TP63: variants seen among roughly 807,000 people sequenced by gnomAD.
TP63 encodes tumor protein 63.
In TP63, 17 loss-of-function variants were observed where a neutral mutation model predicts 82.8. The ratio of observed to expected loss-of-function variants is 0.21; its 90% CI spans 0.14 to 0.31. The LOEUF (loss-of-function observed/expected upper bound fraction) is 0.31, where lower values mean the gene tolerates loss of function less well. Among genes scored for constraint, TP63 ranks in the 10% least tolerant of loss-of-function variants. TP63 has a pLI of 1.00. For missense variants in TP63, 648 were observed against 895.3 expected (o/e 0.72, Z 3.52); for synonymous variants, 330 against 321.7 (o/e 1.03, Z -0.28).
At chr3:189,767,153 T>C (rs1237374066) in intron 3 of TP63, among the ~76,000 whole-genome samples, 3 of 152,180 alleles carry the variant, frequency 2.0e-5, no homozygotes, top group Admixed American at 2.0e-4. Context: ...AAAAATGTAA[T>C]GGTTGTAGAG....
intron 1 of TP63, among the ~76,000 whole-genome samples, chr3:189,734,324 G>A (rs777215549): frequency 8.6e-5 from 13 of 151,658 alleles, no homozygotes; most frequent in South Asian, 2.1e-4. Context: ...GGCACCGGCC[G>A]CCAAGCCCAG....
intron 5 of TP63, among the ~76,000 whole-genome samples, chr3:189,865,635 AAG>A (rs1413186857): frequency 1.3e-5 from 2 of 152,212 alleles, no homozygotes; most frequent in Non-Finnish European, 2.9e-5. Flanking sequence ...TGGAAGAAGA[AAG>A]AGAATGGATC....
At chr3:189,790,811 G>A (rs1268213197) in intron 3 of TP63, among the ~76,000 whole-genome samples, 1 of 152,036 alleles carries the variant, frequency 6.6e-6, no homozygotes, top group African/African-American at 2.4e-5. Context: ...CTCAAATTGA[G>A]CTCCTTAAAA....
At chr3:189,785,827 T>C (rs1724558897) in intron 3 of TP63, among the ~76,000 whole-genome samples, 1 of 152,012 alleles carries the variant, frequency 6.6e-6, no homozygotes, top group Non-Finnish European at 1.5e-5. Context: ...AGTTATATAG[T>C]GAGGGAGCTC....
intron 3 of TP63, among the ~76,000 whole-genome samples, chr3:189,745,457 C>T (rs1721293747): frequency 6.6e-6 from 1 of 151,870 alleles, no homozygotes; most frequent in South Asian, 2.1e-4. Context: ...GCCTGTAATC[C>T]CAGAACTTCG....
intron 1 of TP63, among the ~76,000 whole-genome samples, chr3:189,701,670 AAAAATTC>A (rs1233906314): frequency 1.3e-5 from 2 of 151,838 alleles, no homozygotes; most frequent in Admixed American, 1.3e-4. Flanking sequence ...GGGAAAGTTC[AAAAATTC>A]ACATGGTCCA....
chr3:189,887,225 A>C (rs1357335947), intron 11 of TP63, among the ~76,000 whole-genome samples: 1 of 151,042 alleles, frequency 6.6e-6, no homozygotes, highest in African/African-American at 2.4e-5. Context: ...AAAAAAAAAA[A>C]TCTAGAAAAG....
the TP63 span, among the ~76,000 whole-genome samples, chr3:189,611,407 T>TC: frequency 6.6e-6 from 1 of 152,178 alleles, no homozygotes. Flanking sequence ...GGTTGTCTTT[T>TC]CCCCATTGTT....
intron 4 of TP63, among the ~76,000 whole-genome samples, chr3:189,823,327 G>A (rs1016877306): frequency 6.6e-6 from 1 of 152,230 alleles, no homozygotes; most frequent in Non-Finnish European, 1.5e-5. Flanking sequence ...CGCATGGGCA[G>A]TGTGCTGACA....
chr3:189,771,269 A>G (rs1318911690), intron 3 of TP63, among the ~76,000 whole-genome samples: 6 of 127,424 alleles, frequency 4.7e-5, no homozygotes, highest in African/African-American at 6.6e-5. Flanking sequence ...GATAAAGCTA[A>G]GACAAATATA....
intron 3 of TP63, among the ~76,000 whole-genome samples, chr3:189,763,244 A>G (rs1471414905): frequency 6.6e-6 from 1 of 152,212 alleles, no homozygotes; most frequent in African/African-American, 2.4e-5. Flanking sequence ...ACTGCACTCT[A>G]GCATGACAGA....
chr3:189,720,611 G>A (rs1232554471), intron 1 of TP63, among the ~76,000 whole-genome samples: 1 of 151,902 alleles, frequency 6.6e-6, no homozygotes, highest in African/African-American at 2.4e-5. Flanking sequence ...GCACATGCCT[G>A]TAATCCCAGC....
chr3:189,713,098 T>G (rs1004044177), intron 1 of TP63, among the ~76,000 whole-genome samples: 31 of 152,194 alleles, frequency 2.0e-4, no homozygotes, highest in African/African-American at 7.5e-4. Context: ...CCTGATTATT[T>G]GGCTTATGGT....
the TP63 span, among the ~76,000 whole-genome samples, chr3:189,626,057 A>G: frequency 6.6e-6 from 1 of 152,214 alleles, no homozygotes; most frequent in Admixed American, 6.5e-5. Context: ...AGGTCAAATC[A>G]GAAGAAGCAC....
At chr3:189,811,349 C>T (rs945317550) in intron 4 of TP63, among the ~76,000 whole-genome samples, 1 of 152,188 alleles carries the variant, frequency 6.6e-6, no homozygotes, top group African/African-American at 2.4e-5. Context: ...GATTTTGCTT[C>T]TCTTGGATTT....
chr3:189,731,247 G>A (rs946513535), intron 1 of TP63, among the ~76,000 whole-genome samples: 5 of 152,162 alleles, frequency 3.3e-5, no homozygotes, highest in African/African-American at 1.2e-4. Context: ...AGGAGGCTGA[G>A]GCAGGAGAAT....
chr3:189,622,116 G>A, the TP63 span, among the ~76,000 whole-genome samples: 2 of 152,106 alleles, frequency 1.3e-5, no homozygotes, highest in Non-Finnish European at 2.9e-5. Context: ...CGGTGCGCAC[G>A]CCCCAGATTT....
chr3:189,720,988 A>G (rs1719349187), intron 1 of TP63, among the ~76,000 whole-genome samples: 1 of 152,184 alleles, frequency 6.6e-6, no homozygotes, highest in South Asian at 2.1e-4. Flanking sequence ...AGTCTCTCCC[A>G]GTCATGTCCA....
At chr3:189,886,337 T>C in intron 10 of TP63, 57 bp from the exon 11 acceptor site, 1 of 1,578,492 alleles carries the variant, frequency 6.3e-7, no homozygotes. Context: ...TGAAAATCAA[T>C]AGTCCCCACT....
Sources: gnomAD v4.1 joint callset for allele counts (sites outside exome capture counted in the v4.1 genomes callset) on GRCh38, gnomAD v4.1.1 for gene constraint, MANE v1.5 for transcripts, NCBI Gene and HGNC (gene_info 2026-07-23, HGNC 2026-07-21) for gene names.